Variants in USP32 observed in about 807,000 individuals in gnomAD.
The protein encoded by USP32 is ubiquitin carboxyl-terminal hydrolase 32.
USP32 carries 59 observed loss-of-function variants against 204.8 expected under a neutral mutation model. The ratio of observed to expected loss-of-function variants is 0.29; its 90% confidence interval spans 0.23 to 0.36. The LOEUF is 0.36. Ranked by LOEUF, USP32 falls within the 10% of genes least tolerant of loss-of-function variation. The pLI is 1.00. For missense variants in USP32, 1,160 were observed against 1,946.4 expected (o/e 0.60, Z 7.60); for synonymous variants, 517 against 678.4 (o/e 0.76, Z 3.70).
At position 60,271,427 on chromosome 17, in the gene USP32, T is replaced by C. The variant is rs2086721979; in HGVS notation, c.626A>G (p.Gln209Arg). The C allele has an allele frequency of 6.2e-7, 1 of 1,614,036 alleles. No individual in the cohort carries two copies. Among genetic ancestry groups the C allele is most frequent in the Non-Finnish European group, 8.5e-7 (1 of 1,180,022 alleles). Reference sequence around the variant, plus strand: ...TAAATCAAATCGTCCAGTCCGGGATTGAGCCTTCAATAACCAATAGCGTTT... The same window carrying C: ...TAAATCAAATCGTCCAGTCCGGGATCGAGCCTTCAATAACCAATAGCGTTT... The part of the protein sequence containing the change: ...LEKRYWLLKA[Q>R]SRTGRFDLET... The change falls in exon 6 of 34, where the codon CAA becomes CGA. Residue 209 changes from glutamine (Q) to arginine (R), a missense_variant. By Grantham distance (43) the Gln-to-Arg change is conservative (BLOSUM62 1). Around this residue, in one of 8 missense-constraint regions of USP32, gnomAD observed 536 missense variants for 680.9 expected, o/e 0.79. Transcript: ENST00000300896.
At chr17:60,251,979 A>G (rs1204047451) in intron 11 of USP32, among the ~76,000 whole-genome samples, 1 of 152,044 alleles carries the variant, frequency 6.6e-6, no homozygotes, top group Non-Finnish European at 1.5e-5. Context: ...TACAAATATC[A>G]CTGTGGGCAT....
intron 2 of USP32, among the ~76,000 whole-genome samples, chr17:60,339,192 T>C (rs2088595266): frequency 4.0e-5 from 6 of 151,840 alleles, no homozygotes; most frequent in Admixed American, 3.9e-4. Context: ...ATTGCAGGCA[T>C]GAGCCACCGC....
In USP32 at chr17:60,179,029, G is replaced by C. The variant is rs533166811; in HGVS notation, c.*226C>G. On this transcript the variant is annotated 3_prime_UTR_variant, in exon 34 of 34. Transcript: ENST00000300896. ...CCTTTTGTTTACAGGCTAATGGTGG[G>C]ATCTGCCTGAAAGTTCTCTATCGGA... 1,325 of 477,890 alleles carry C rather than the reference G, an allele frequency of 2.8e-3. 2 individuals carry two copies. The highest frequency in any genetic ancestry group is 4.1e-3 in the Middle Eastern group (7 of 1,714). 29.6% of individuals were successfully genotyped at this position (477,890 alleles called of 1,614,324 possible). A position where few individuals can be genotyped will look rare whatever the true frequency, so the allele number is the denominator to read the frequency against.
chr17:60,373,780 TTTTAAA>T (rs2089488956), intron 1 of USP32, among the ~76,000 whole-genome samples: 1 of 152,206 alleles, frequency 6.6e-6, no homozygotes. Context: ...CTTCATAAAC[TTTTAAA>T]TTTAACTTGT....
At chr17:60,199,659 T>C (rs2084623144) in intron 26 of USP32, among the ~76,000 whole-genome samples, 2 of 152,246 alleles carry the variant, frequency 1.3e-5, no homozygotes, top group Non-Finnish European at 2.9e-5. Context: ...CATTTTATTT[T>C]GCCATTTTCA....
At chr17:60,224,538 A>T (rs2085334631) in intron 13 of USP32, among the ~76,000 whole-genome samples, 2 of 152,230 alleles carry the variant, frequency 1.3e-5, no homozygotes, top group East Asian at 3.8e-4. Flanking sequence ...TAATCTCAGC[A>T]CTTTGGGAGG....
Position 60,183,300 on chromosome 17 carries a change from C to T in USP32, c.3988G>A (p.Asp1330Asn), listed in dbSNP as rs1179220851. Residue 1330 changes from aspartate to asparagine, a missense_variant, in exon 31 of 34, where the codon GAT (aspartate) becomes AAT (asparagine). Around this residue, in one of 8 missense-constraint regions of USP32, gnomAD observed 244 missense variants for 342.3 expected, o/e 0.71. Coordinates refer to ENST00000300896, the MANE Select transcript of USP32 (RefSeq NM_032582.4). ...CQHKPLTPQG[D>N]ELSEPRILAR... The stretch of plus-strand genomic sequence containing the variant: ...AGAATCCTGGGCTCAGAGAGCTCAT[C>T]CCCCTGGGGTGTGAGTGGTTTATGC... 2 of 1,613,978 alleles carry T rather than the reference C, an allele frequency of 1.2e-6. No individual in the cohort carries two copies. Among genetic ancestry groups the T allele is most frequent in the Non-Finnish European group, 1.7e-6 (2 of 1,179,862 alleles).
Position 60,265,986 on chromosome 17 carries a change from T to G in USP32, c.917A>C (p.Asp306Ala), listed in dbSNP as rs1261161908. ...LLEVWKDNRT[D>A]DIPELHMDLS... is the part of the protein sequence containing the mutation. ...ACAATCATAACTTACAGGAATATCA[T>G]CAGTGCGGTTGTCCTTCCAGACTTC... The change falls in exon 8 of 34, where the codon GAT becomes GCT. Residue 306 changes from aspartate (D) to alanine (A), a missense_variant. Asp to Ala is a moderately radical substitution (Grantham distance 126). Coordinates refer to ENST00000300896, the MANE Select transcript of USP32 (RefSeq NM_032582.4). 7 of 1,613,202 alleles carry G rather than the reference T, an allele frequency of 4.3e-6. No individual in the cohort carries two copies. The highest frequency in any genetic ancestry group is 5.9e-6 in the Non-Finnish European group (7 of 1,179,252).
intron 1 of USP32, among the ~76,000 whole-genome samples, chr17:60,363,109 G>A (rs1188465437): frequency 3.3e-5 from 5 of 151,894 alleles, no homozygotes; most frequent in Admixed American, 6.6e-5. Context: ...GGGCAACACA[G>A]TGAGACCCCA....
intron 2 of USP32, among the ~76,000 whole-genome samples, chr17:60,321,181 G>A (rs773218700): frequency 2.6e-5 from 4 of 152,176 alleles, no homozygotes; most frequent in African/African-American, 9.7e-5. Context: ...AGCTGTATAT[G>A]AATGGATATA....
intron 25 of USP32, 63 bp downstream of exon 25, chr17:60,206,958 T>C (rs2084844119): frequency 6.5e-7 from 1 of 1,544,284 alleles, no homozygotes; most frequent in Non-Finnish European, 8.7e-7. Flanking sequence ...ATAAAAAAGA[T>C]GACAACTCTT....
At chr17:60,381,784 C>T (rs1481428725) in intron 1 of USP32, among the ~76,000 whole-genome samples, 2 of 152,166 alleles carry the variant, frequency 1.3e-5, no homozygotes, top group Non-Finnish European at 2.9e-5. Context: ...TATAGCTTGA[C>T]TGAATTTTTA....
chr17:60,370,492 GGC>G (rs2089415487), intron 1 of USP32, among the ~76,000 whole-genome samples: 1 of 152,112 alleles, frequency 6.6e-6, no homozygotes, highest in Non-Finnish European at 1.5e-5. Context: ...TGGATGCAAT[GGC>G]TCACACCTGT....
At chr17:60,266,486 T>G (rs2086594674) in intron 7 of USP32, among the ~76,000 whole-genome samples, 1 of 152,266 alleles carries the variant, frequency 6.6e-6, no homozygotes, top group South Asian at 2.1e-4. Flanking sequence ...AGTTGTTTCT[T>G]GTTCTTCTTT....
chr17:60,304,192 T>G (rs73318881), intron 2 of USP32, among the ~76,000 whole-genome samples: 137 of 151,458 alleles, frequency 9.0e-4, no homozygotes, highest in African/African-American at 3.1e-3. Flanking sequence ...AAAATTACAT[T>G]AAAAAAAACC....
chr17:60,346,349 T>C (rs567219500), intron 1 of USP32, among the ~76,000 whole-genome samples: 141 of 152,308 alleles, frequency 9.3e-4, no homozygotes, highest in African/African-American at 3.2e-3. Flanking sequence ...GCAGGTAAGC[T>C]AAATGCCACT....
At chr17:60,320,481 A>G (rs1232278574) in intron 2 of USP32, among the ~76,000 whole-genome samples, 1 of 152,132 alleles carries the variant, frequency 6.6e-6, no homozygotes, top group African/African-American at 2.4e-5. Flanking sequence ...AGACATCCAC[A>G]CTCACTCAGA....
chr17:60,341,887 T>C (rs1386003944), intron 2 of USP32, among the ~76,000 whole-genome samples: 1 of 152,206 alleles, frequency 6.6e-6, no homozygotes, highest in Non-Finnish European at 1.5e-5. Flanking sequence ...ATTACCAACC[T>C]TCTGAAGCCT....
intron 24 of USP32, chr17:60,207,848 A>C (rs2084867522): frequency 1.4e-6 from 1 of 713,372 alleles, no homozygotes; most frequent in South Asian, 2.8e-5. Context: ...CTTCTTCAAA[A>C]ATACCACCAT....
Sources: gnomAD v4.1 joint callset for allele counts (sites outside exome capture counted in the v4.1 genomes callset) on GRCh38, gnomAD v4.1.1 for gene constraint, gnomAD v4.1.1 regional missense constraint, MANE v1.5 for transcripts, NCBI Gene and HGNC (gene_info 2026-07-23, HGNC 2026-07-21) for gene names.